CNDP1: variants seen among roughly 807,000 people sequenced by gnomAD.
CNDP1 encodes the protein carnosine dipeptidase 1.
In CNDP1, 44 loss-of-function variants were observed where a neutral mutation model predicts 58.1. The observed-to-expected ratio is 0.76, with a 90% CI of 0.60 to 0.97. The LOEUF (loss-of-function observed/expected upper bound fraction) is 0.97, where lower values mean the gene tolerates loss of function less well. Among genes scored for constraint, CNDP1 ranks in the 50% least tolerant of loss-of-function variants. The probability of loss-of-function intolerance (pLI) is 0.00; values close to 1 mark genes in which losing one functional copy is unlikely to be tolerated. For synonymous variants in CNDP1, 254 were observed against 252.6 expected, an observed-to-expected ratio of 1.01 and a Z score of -0.05; for missense variants, 616 against 655.1, an observed-to-expected ratio of 0.94 and a Z score of 0.65.
chr18:74,584,253 A>C, intron 11 of CNDP1: 1 of 510,180 alleles, frequency 2.0e-6, no homozygotes, highest in Non-Finnish European at 3.5e-6. Flanking sequence ...CAGTGATAAG[A>C]AATCAAGGAA....
chr18:74,538,886 C>T (rs939551777), intron 1 of CNDP1, among the ~76,000 whole-genome samples: 8 of 152,180 alleles, frequency 5.3e-5, no homozygotes, highest in Admixed American at 1.3e-4. Flanking sequence ...GAGAACCTGT[C>T]GCCTTTGACA....
chr18:74,540,157 CTTTT>C (rs34321505), intron 1 of CNDP1, among the ~76,000 whole-genome samples: 4 of 135,240 alleles, frequency 3.0e-5, no homozygotes, highest in Admixed American at 7.5e-5. Context: ...TGGTATAAAT[CTTTT>C]TTTTTTTTTT....
chr18:74,581,262 G>GTGTGTGTT (rs1370976903), intron 10 of CNDP1, among the ~76,000 whole-genome samples: 13 of 143,492 alleles, frequency 9.1e-5, no homozygotes, highest in African/African-American at 3.3e-4. Flanking sequence ...GTGTGTGTGT[G>GTGTGTGTT]TAAGCTTGAC....
At chr18:74,580,108 CA>C in intron 9 of CNDP1, 21 bp from the exon 10 acceptor site, 1 of 1,601,062 alleles carries the variant, frequency 6.2e-7, no homozygotes, top group African/African-American at 1.3e-5. Flanking sequence ...TTTCTCTTAT[CA>C]TTGAAAATGT....
intron 9 of CNDP1, 151 bp from the exon 10 acceptor site, chr18:74,579,979 C>T (rs761036300): frequency 3.3e-5 from 23 of 688,652 alleles, no homozygotes; most frequent in Non-Finnish European, 5.4e-5. Context: ...GGGAAAATCA[C>T]AACACTTGCG....
chr18:74,561,478 G>C, intron 4 of CNDP1: 1 of 155,202 alleles, frequency 6.4e-6, no homozygotes, highest in South Asian at 2.0e-4. Context: ...GGTTCACTGA[G>C]GCTGGTTTTC....
rs1184843371 is a variant in CNDP1 at position 74,587,047 on chromosome 18, T to C, written c.*2485T>C. ...TTGTATTGGAGGAGGGCAATGTATC[T>C]GGCTTTGTTAGTAGACGTAGCGCAT... On this transcript the variant is annotated 3_prime_UTR_variant, in exon 12 of 12. Transcript: ENST00000358821. 5 of 152,238 alleles carry C rather than the reference T, an allele frequency of 3.3e-5. No individual in the cohort carries two copies. Among genetic ancestry groups the C allele is most frequent in the African/African-American group, 4.8e-5 (2 of 41,464 alleles). 9.4% of individuals were successfully genotyped at this position (152,238 alleles called of 1,614,324 possible). A position where few individuals can be genotyped will look rare whatever the true frequency, so the allele number is the denominator to read the frequency against.
rs774235296 is a variant in CNDP1 at position 74,584,894 on chromosome 18, T to TC, written c.*333dup. On this transcript the variant is annotated 3_prime_UTR_variant, in exon 12 of 12. Transcript: ENST00000358821. ...CAACCTTGCAATTTGATTGGCATAA[T>TC]CACTCCAGTTTGCTTTCTAGGTCCT... The TC allele has an allele frequency of 9.3e-5, 22 of 237,092 alleles. No individual in the cohort carries two copies. Among genetic ancestry groups the TC allele is most frequent in the Non-Finnish European group, 1.6e-4 (19 of 120,786 alleles). 14.7% of individuals were successfully genotyped at this position (237,092 alleles called of 1,614,324 possible). A position where few individuals can be genotyped will look rare whatever the true frequency, so the allele number is the denominator to read the frequency against.
At chr18:74,550,563 G>A (rs1443083179) in intron 1 of CNDP1, among the ~76,000 whole-genome samples, 4 of 150,938 alleles carry the variant, frequency 2.7e-5, no homozygotes, top group Non-Finnish European at 5.9e-5. Flanking sequence ...GGGGACTATT[G>A]GAAAGGCATT....
At chr18:74,567,620 C>A (rs570140369) in intron 6 of CNDP1, among the ~76,000 whole-genome samples, 187 bp downstream of exon 6, 1 of 152,240 alleles carries the variant, frequency 6.6e-6, no homozygotes, top group African/African-American at 2.4e-5. Flanking sequence ...GGTCATGAAC[C>A]CCCAACACTT....
chr18:74,565,315 T>G (rs1237008170), intron 5 of CNDP1, among the ~76,000 whole-genome samples: 1 of 152,176 alleles, frequency 6.6e-6, no homozygotes, highest in Non-Finnish European at 1.5e-5. Context: ...TGTCCTCACA[T>G]TTCAAAACCA....
intron 5 of CNDP1, 63 bp from the exon 6 acceptor site, chr18:74,567,167 TTGG>T (rs1981350059): frequency 7.8e-7 from 1 of 1,274,716 alleles, no homozygotes; most frequent in Non-Finnish European, 1.1e-6. Flanking sequence ...AAGTTGAGAT[TTGG>T]TGGGGACACA....
intron 7 of CNDP1, among the ~76,000 whole-genome samples, chr18:74,575,843 G>A (rs1463832066): frequency 4.0e-5 from 6 of 148,260 alleles, no homozygotes; most frequent in African/African-American, 7.4e-5. Context: ...GTGTGTGTGT[G>A]TGTGTGTGTG....
At position 74,559,344 on chromosome 18, in the gene CNDP1, A is replaced by C. The variant is rs1188436916; in HGVS notation, c.175A>C (p.Ile59Leu). The change falls in exon 3 of 12, where the codon ATC becomes CTC. Residue 59 changes from isoleucine (I) to leucine (L), a missense_variant. Ile to Leu is a conservative substitution (Grantham distance 5, BLOSUM62 2). Transcript: ENST00000358821. ...CTAGACGCTGAAGGAGTGGGTGGCC[A>C]TCGAGAGCGACTCTGTCCAGCCTGT... ...FVQTLKEWVA[I>L]ESDSVQPVPR... The C allele has an allele frequency of 6.2e-7, 1 of 1,614,018 alleles. No homozygotes were observed. The highest frequency in any genetic ancestry group is 1.1e-5 in the South Asian group (1 of 91,076).
intron 1 of CNDP1, among the ~76,000 whole-genome samples, chr18:74,551,896 T>A (rs1453371146): frequency 6.6e-6 from 1 of 151,380 alleles, no homozygotes; most frequent in Non-Finnish European, 1.5e-5. Flanking sequence ...GATGGATCAA[T>A]TGGATCGATT....
At chr18:74,572,964 TGGGA>T (rs1981524277) in intron 7 of CNDP1, among the ~76,000 whole-genome samples, 1 of 152,174 alleles carries the variant, frequency 6.6e-6, no homozygotes, top group African/African-American at 2.4e-5. Flanking sequence ...GCCCAGGTGT[TGGGA>T]GGATCTTCTC....
At chr18:74,534,744 TTGTCCCGGGAGCA>T in intron 1 of CNDP1, 53 bp downstream of exon 1, 1 of 1,608,174 alleles carries the variant, frequency 6.2e-7, no homozygotes. Flanking sequence ...AGAATTCCAT[TTGTCCCGGGAGCA>T]TGTGCGTTAA....
chr18:74,571,200 C>A lies in CNDP1; in HGVS notation c.771C>A (p.Asp257Glu). The stretch of plus-strand genomic sequence containing the variant: ...CTACTCTGCAGGTGAAATGCAGAGA[C>A]CAGGATTTTCACTCAGGAACCTTTG... The part of the protein sequence containing the change: ...SYFMVEVKCR[D>E]QDFHSGTFGG... Residue 257 changes from aspartate to glutamate, a missense_variant, in exon 7 of 12, where the codon GAC becomes GAA. Transcript: ENST00000358821. 6.2e-7 allele frequency: 1 copy of A among 1,612,160 alleles called. No homozygotes were observed. Among genetic ancestry groups the A allele is most frequent in the South Asian group, 1.1e-5 (1 of 91,044 alleles).
chr18:74,580,043 T>C, intron 9 of CNDP1, 87 bp from the exon 10 acceptor site: 1 of 1,182,652 alleles, frequency 8.5e-7, no homozygotes, highest in Non-Finnish European at 1.2e-6. Flanking sequence ...TTAACTGTAC[T>C]AATCAGTTTC....
Sources: allele counts gnomAD v4.1 joint callset (sites outside exome capture counted in the v4.1 genomes callset), GRCh38; gene constraint gnomAD v4.1.1; transcripts MANE v1.5; gene names NCBI Gene and HGNC (gene_info 2026-07-23, HGNC 2026-07-21).